The following PBX1 variants were observed in gnomAD, a reference collection of about 807,000 sequenced individuals.
The protein encoded by PBX1 is pre-B-cell leukemia transcription factor 1.
PBX1 carries 6 observed loss-of-function variants against 53.4 expected under a neutral mutation model. The observed-to-expected ratio is 0.11, with a 90% CI of 0.06 to 0.22. The LOEUF is 0.22. Among genes scored for constraint, PBX1 ranks in the 10% least tolerant of loss-of-function variants. The probability of loss-of-function intolerance (pLI) is 1.00; values close to 1 mark genes in which losing one functional copy is unlikely to be tolerated. For missense variants in PBX1, 251 were observed against 551.4 expected, an observed-to-expected ratio of 0.46 and a Z score of 5.46; for synonymous variants, 204 against 212.3, an observed-to-expected ratio of 0.96 and a Z score of 0.34.
rs553546875 is a variant in PBX1 at position 164,864,882 on chromosome 1, A to G, written n.257+33399A>G. Among the ~76,000 whole-genome samples, 12 of 152,220 alleles carry G rather than the reference A, an allele frequency of 7.9e-5. No individual in the cohort carries two copies. In the East Asian group the frequency reaches 2.3e-3, roughly 29 times the overall value. On this transcript the variant is annotated intron_variant and non_coding_transcript_variant, in intron 2 of 2. Coordinates refer to the PBX1 transcript ENST00000558796. Reference sequence around the variant, plus strand: ...ACACAACCTGCCTTTATGGTGTTGCATGGGGAGAGATCTGCACTGATAAAT... The same window carrying G: ...ACACAACCTGCCTTTATGGTGTTGCGTGGGGAGAGATCTGCACTGATAAAT...
chr1:164,654,616 T>A lies in PBX1; in HGVS notation c.265+91305T>A, dbSNP rs537737677. Among the ~76,000 whole-genome samples, 3 of 152,210 alleles carry A rather than the reference T, an allele frequency of 2.0e-5. No individual in the cohort carries two copies. In the South Asian group the frequency reaches 6.2e-4, roughly 32 times the overall value. On this transcript the variant is annotated intron_variant, in intron 2 of 8. Coordinates refer to ENST00000420696, the MANE Select transcript of PBX1 (RefSeq NM_002585.4). ...GGTGATATCTGTACTTTCTAAAGAG[T>A]CAAAATGGGAAGAGAATGGTCTGAG...
intron 2 of PBX1, among the ~76,000 whole-genome samples, chr1:164,571,871 T>TTTTATA (rs1653881207): frequency 1.7e-5 from 1 of 59,962 alleles, no homozygotes; most frequent in Non-Finnish European, 3.2e-5. Context: ...AATCTGTACA[T>TTTTATA]TGTATATATA....
At chr1:164,881,129 C>T (rs1200132932) in intron 2 of PBX1, among the ~76,000 whole-genome samples, 1 of 152,146 alleles carries the variant, frequency 6.6e-6, no homozygotes, top group African/African-American at 2.4e-5. Flanking sequence ...CCCTTTTTCT[C>T]CCACCATGAG....
intron 2 of PBX1, among the ~76,000 whole-genome samples, chr1:164,857,170 C>A (rs1671996423): frequency 1.3e-5 from 2 of 152,202 alleles, no homozygotes; most frequent in Non-Finnish European, 2.9e-5. Flanking sequence ...GTCACCTGTA[C>A]TTCTGGTGAC....
At chr1:164,835,998 G>A (rs570188609) in intron 8 of PBX1, among the ~76,000 whole-genome samples, 6 of 152,038 alleles carry the variant, frequency 3.9e-5, no homozygotes, top group Non-Finnish European at 7.4e-5. Context: ...GGAAAGTTTA[G>A]GGGGAGATCT....
intron 2 of PBX1, among the ~76,000 whole-genome samples, chr1:164,650,585 C>T (rs1181168477): frequency 4.6e-5 from 7 of 152,116 alleles, no homozygotes; most frequent in Non-Finnish European, 8.8e-5. Flanking sequence ...TTACAGTCTG[C>T]ATTATGTGGA....
chr1:164,713,981 A>G (rs988636953), intron 2 of PBX1, among the ~76,000 whole-genome samples: 9 of 152,218 alleles, frequency 5.9e-5, no homozygotes, highest in Non-Finnish European at 1.3e-4. Context: ...CGTGTTGCAA[A>G]ATGGCCAGCT....
chr1:164,884,743 T>C (rs1192608653), intron 2 of PBX1, among the ~76,000 whole-genome samples: 1 of 152,198 alleles, frequency 6.6e-6, no homozygotes, highest in Non-Finnish European at 1.5e-5. Flanking sequence ...AGTTGGCAGA[T>C]GTTGCAACTG....
chr1:164,757,131 T>C (rs896775173), intron 2 of PBX1, among the ~76,000 whole-genome samples: 1 of 151,956 alleles, frequency 6.6e-6, no homozygotes, highest in Non-Finnish European at 1.5e-5. Context: ...GACATAGCAA[T>C]GAACAAGAGA....
At chr1:164,706,334 C>G (rs1473570205) in intron 2 of PBX1, among the ~76,000 whole-genome samples, 3 of 152,156 alleles carry the variant, frequency 2.0e-5, no homozygotes, top group Non-Finnish European at 4.4e-5. Context: ...CACTAAATGT[C>G]TTTCTGATAA....
intron 2 of PBX1, among the ~76,000 whole-genome samples, chr1:164,693,848 T>C (rs185165412): frequency 2.4e-4 from 36 of 152,308 alleles, no homozygotes; most frequent in African/African-American, 7.7e-4. Flanking sequence ...GTGCAGCTAA[T>C]CATAGGCACC....
chr1:164,867,964 C>T (rs1672259070), intron 2 of PBX1, among the ~76,000 whole-genome samples: 1 of 152,214 alleles, frequency 6.6e-6, no homozygotes, highest in African/African-American at 2.4e-5. Context: ...TACACTCCTC[C>T]TAATACCCGT....
chr1:164,722,499 G>A (rs750124195), intron 2 of PBX1, among the ~76,000 whole-genome samples: 1 of 152,186 alleles, frequency 6.6e-6, no homozygotes, highest in African/African-American at 2.4e-5. Context: ...GGGAGAAAGT[G>A]CTGTGGTTTT....
chr1:164,790,983 CTGGTGTG>C (rs1259453329), intron 2 of PBX1, among the ~76,000 whole-genome samples: 1 of 152,182 alleles, frequency 6.6e-6, no homozygotes, highest in African/African-American at 2.4e-5. Context: ...TGACTGTGCT[CTGGTGTG>C]TGGATATCCA....
At chr1:164,614,079 A>G (rs572708062) in intron 2 of PBX1, among the ~76,000 whole-genome samples, 1 of 152,266 alleles carries the variant, frequency 6.6e-6, no homozygotes, top group South Asian at 2.1e-4. Flanking sequence ...AGCAGAAGAA[A>G]CCAAGCACAG....
intron 2 of PBX1, among the ~76,000 whole-genome samples, chr1:164,665,797 C>T (rs74117963): frequency 0.033 from 5,042 of 152,234 alleles, 122 homozygotes; most frequent in Admixed American, 0.056. Context: ...AGCTTGTCAT[C>T]GTGGATGGCA....
downstream of PBX1, among the ~76,000 whole-genome samples, chr1:164,856,757 A>G (rs1671985712): frequency 6.6e-6 from 1 of 152,038 alleles, no homozygotes; most frequent in South Asian, 2.1e-4. Context: ...GATCTTCTTG[A>G]TTTTCCCCTC....
At chr1:164,629,048 C>T (rs933996103) in intron 2 of PBX1, among the ~76,000 whole-genome samples, 3 of 152,120 alleles carry the variant, frequency 2.0e-5, no homozygotes, top group African/African-American at 7.2e-5. Flanking sequence ...GGACTGACCT[C>T]AAACACTCAG....
intron 2 of PBX1, among the ~76,000 whole-genome samples, chr1:164,723,427 T>C (rs950682668): frequency 3.6e-5 from 5 of 140,830 alleles, no homozygotes; most frequent in African/African-American, 4.9e-5. Context: ...CTGGATGTGC[T>C]TGGAGCATTG....
Sources: gnomAD v4.1 joint callset for allele counts (sites outside exome capture counted in the v4.1 genomes callset) on GRCh38, gnomAD v4.1.1 for gene constraint, MANE v1.5 for transcripts, NCBI Gene and HGNC (gene_info 2026-07-23, HGNC 2026-07-21) for gene names.